ROBO2: variants seen among roughly 807,000 people sequenced by gnomAD.
ROBO2 encodes roundabout guidance receptor 2.
Under a neutral mutation model 160.8 loss-of-function variants are expected in ROBO2, and 53 were observed. That is an observed-to-expected ratio of 0.33 (90% CI 0.26 to 0.41). The LOEUF is 0.41. Ranked by LOEUF, ROBO2 falls within the 10% of genes least tolerant of loss-of-function variation. The pLI is 1.00. For synonymous variants in ROBO2, 664 were observed against 611.7 expected, an observed-to-expected ratio of 1.09 and a Z score of -1.26; for missense variants, 1,577 against 1,722.4, an observed-to-expected ratio of 0.92 and a Z score of 1.49.
intron 2 of ROBO2, among the ~76,000 whole-genome samples, chr3:76,272,232 T>C (rs1200352379): frequency 6.6e-6 from 1 of 152,150 alleles, no homozygotes; most frequent in East Asian, 1.9e-4. Flanking sequence ...CAGGCATAAA[T>C]CCTTTATAAT....
At chr3:76,224,607 A>G (rs1259031902) in intron 2 of ROBO2, among the ~76,000 whole-genome samples, 1 of 152,216 alleles carries the variant, frequency 6.6e-6, no homozygotes, top group African/African-American at 2.4e-5. Flanking sequence ...ATAATGTTTT[A>G]CCAGCTATTG....
intron 2 of ROBO2, among the ~76,000 whole-genome samples, chr3:76,097,693 CAT>C (rs1006690940): frequency 1.2e-4 from 18 of 152,202 alleles, no homozygotes; most frequent in South Asian, 4.1e-4. Flanking sequence ...ATGTGGGAAA[CAT>C]GTGCAGAACG....
At chr3:77,179,328 T>G (rs2080468956) in intron 2 of ROBO2, among the ~76,000 whole-genome samples, 1 of 151,958 alleles carries the variant, frequency 6.6e-6, no homozygotes, top group African/African-American at 2.4e-5. Context: ...AAAAAAAAGT[T>G]AAATTGAAGA....
chr3:76,963,851 A>G (rs1472899176), intron 2 of ROBO2, among the ~76,000 whole-genome samples: 11 of 147,154 alleles, frequency 7.5e-5, no homozygotes, highest in Admixed American at 2.0e-4. Flanking sequence ...AAAAAAAAAG[A>G]AAAAAAAGAA....
intron 2 of ROBO2, among the ~76,000 whole-genome samples, chr3:77,118,269 C>T (rs1343873911): frequency 6.6e-6 from 1 of 152,014 alleles, no homozygotes; most frequent in Non-Finnish European, 1.5e-5. Flanking sequence ...ATTCTAGTCA[C>T]AGAATATGCT....
At chr3:76,054,669 A>G (rs2067775272) in intron 2 of ROBO2, among the ~76,000 whole-genome samples, 1 of 152,208 alleles carries the variant, frequency 6.6e-6, no homozygotes, top group Non-Finnish European at 1.5e-5. Flanking sequence ...ATATTATATT[A>G]TTCAAATTAA....
chr3:76,443,169 C>T (rs2077007611), intron 2 of ROBO2, among the ~76,000 whole-genome samples: 1 of 151,946 alleles, frequency 6.6e-6, no homozygotes, highest in African/African-American at 2.4e-5. Context: ...TCAGTTCTCA[C>T]AGGAACTAAT....
intron 5 of ROBO2, among the ~76,000 whole-genome samples, chr3:77,522,327 TA>T (rs763063910): frequency 6.6e-6 from 1 of 151,228 alleles, no homozygotes; most frequent in African/African-American, 2.4e-5. Context: ...TGCCAACAAA[TA>T]AGAGAAAAAT....
intron 2 of ROBO2, among the ~76,000 whole-genome samples, chr3:76,838,899 A>T (rs1278078394): frequency 6.6e-6 from 1 of 152,152 alleles, no homozygotes; most frequent in African/African-American, 2.4e-5. Flanking sequence ...AGTACATGAC[A>T]TTCAATCCAC....
At chr3:76,882,645 G>A (rs1417101742) in intron 2 of ROBO2, among the ~76,000 whole-genome samples, 2 of 151,824 alleles carry the variant, frequency 1.3e-5, no homozygotes, top group East Asian at 3.9e-4. Flanking sequence ...AAAACATACA[G>A]TTCTAATACA....
At chr3:77,188,066 A>G (rs1285390028) in intron 2 of ROBO2, among the ~76,000 whole-genome samples, 1 of 151,942 alleles carries the variant, frequency 6.6e-6, no homozygotes, top group Non-Finnish European at 1.5e-5. Context: ...AACATTAAAC[A>G]TAAGAAGTCC....
intron 2 of ROBO2, among the ~76,000 whole-genome samples, chr3:76,479,099 A>G (rs2079082672): frequency 6.6e-6 from 1 of 152,168 alleles, no homozygotes; most frequent in Non-Finnish European, 1.5e-5. Context: ...CTTTGTAGAC[A>G]TCAGGCAATC....
chr3:76,007,528 G>A (rs2066058491), intron 2 of ROBO2, among the ~76,000 whole-genome samples: 1 of 152,008 alleles, frequency 6.6e-6, no homozygotes, highest in African/African-American at 2.4e-5. Context: ...ATTTTTTTCA[G>A]AGATAATCTT....
At chr3:76,661,369 C>G (rs1200254851) in intron 2 of ROBO2, among the ~76,000 whole-genome samples, 1 of 152,144 alleles carries the variant, frequency 6.6e-6, no homozygotes, top group Non-Finnish European at 1.5e-5. Context: ...CAAAAAGTAT[C>G]TGAGATAAGT....
chr3:77,181,649 A>T (rs968476000), intron 2 of ROBO2, among the ~76,000 whole-genome samples: 1 of 152,118 alleles, frequency 6.6e-6, no homozygotes, highest in Non-Finnish European at 1.5e-5. Flanking sequence ...TTAACCAAAT[A>T]AAATGTTTCG....
chr3:76,987,111 A>C (rs2060422184), intron 2 of ROBO2, among the ~76,000 whole-genome samples: 1 of 152,360 alleles, frequency 6.6e-6, no homozygotes, highest in East Asian at 1.9e-4. Context: ...GTGATACGCC[A>C]CGCCACCACT....
chr3:77,228,056 C>G (rs2086698819), intron 2 of ROBO2, among the ~76,000 whole-genome samples: 1 of 152,158 alleles, frequency 6.6e-6, no homozygotes, highest in Admixed American at 6.5e-5. Flanking sequence ...TTGACAGAGA[C>G]TGATATAATT....
intron 2 of ROBO2, among the ~76,000 whole-genome samples, chr3:76,137,911 G>T (rs952254885): frequency 6.6e-6 from 1 of 151,720 alleles, no homozygotes; most frequent in Non-Finnish European, 1.5e-5. Flanking sequence ...AACCTATTTG[G>T]GAAATCCAGG....
chr3:76,935,327 A>G (rs1247108506), intron 2 of ROBO2, among the ~76,000 whole-genome samples: 1 of 152,142 alleles, frequency 6.6e-6, no homozygotes, highest in Non-Finnish European at 1.5e-5. Context: ...CGCTCCCTTA[A>G]TGTTTACCTA....
Sources: allele counts gnomAD v4.1 joint callset (sites outside exome capture counted in the v4.1 genomes callset), GRCh38; gene constraint gnomAD v4.1.1; transcripts MANE v1.5; gene names NCBI Gene and HGNC (gene_info 2026-07-23, HGNC 2026-07-21).